Variants in SLCO1C1 observed in about 807,000 individuals in gnomAD.
SLCO1C1 encodes the protein OAT-RP-5.
Under a neutral mutation model 76.4 loss-of-function variants are expected in SLCO1C1, and 70 were observed. The observed-to-expected ratio is 0.92, with a 90% CI of 0.76 to 1.12. SLCO1C1 has a LOEUF of 1.12. SLCO1C1 is among the 50% of genes most tolerant of loss of function. The pLI is 0.00. For missense variants in SLCO1C1, 912 were observed against 823.8 expected, an observed-to-expected ratio of 1.11 and a Z score of -1.31; for synonymous variants, 306 against 286.1, an observed-to-expected ratio of 1.07 and a Z score of -0.70.
chr12:20,710,605 TA>T (rs1223895396), intron 4 of SLCO1C1, among the ~76,000 whole-genome samples: 1 of 152,092 alleles, frequency 6.6e-6, no homozygotes, highest in East Asian at 1.9e-4. Flanking sequence ...GTTGCTATCA[TA>T]ACCTTATACA....
chr12:20,740,041 A>T, intron 11 of SLCO1C1, 143 bp from the exon 12 acceptor site: 4 of 812,924 alleles, frequency 4.9e-6, no homozygotes, highest in Non-Finnish European at 7.5e-6. Context: ...GCTTTGCTCA[A>T]TATACTGTAA....
intron 1 of SLCO1C1, among the ~76,000 whole-genome samples, chr12:20,696,074 T>TA (rs1946251088): frequency 6.6e-6 from 1 of 152,184 alleles, no homozygotes; most frequent in African/African-American, 2.4e-5. Flanking sequence ...CCATCTAATT[T>TA]AAAAAATGGA....
intron 5 of SLCO1C1, among the ~76,000 whole-genome samples, chr12:20,713,127 T>C (rs1423566862): frequency 2.0e-5 from 3 of 149,526 alleles, no homozygotes; most frequent in Non-Finnish European, 4.4e-5. Context: ...TCGCCCAGGC[T>C]GGAGTGCAGT....
intron 9 of SLCO1C1, among the ~76,000 whole-genome samples, chr12:20,728,688 A>G (rs1283863697): frequency 1.3e-5 from 2 of 152,024 alleles, no homozygotes; most frequent in African/African-American, 4.8e-5. Context: ...TATTATTATT[A>G]TAACTCATAA....
intron 9 of SLCO1C1, among the ~76,000 whole-genome samples, chr12:20,725,458 A>G (rs1238528450): frequency 1.4e-5 from 2 of 146,738 alleles, no homozygotes; most frequent in Non-Finnish European, 3.0e-5. Context: ...TATGTATACT[A>G]TAATATATAA....
intron 11 of SLCO1C1, among the ~76,000 whole-genome samples, chr12:20,739,242 G>A (rs1466185214): frequency 1.3e-5 from 2 of 152,078 alleles, no homozygotes; most frequent in East Asian, 3.8e-4. Flanking sequence ...TAATAACAAA[G>A]CAGCAGTTTC....
intron 7 of SLCO1C1, among the ~76,000 whole-genome samples, chr12:20,719,126 A>ATTATTG (rs1947527879): frequency 6.7e-6 from 1 of 150,312 alleles, no homozygotes; most frequent in Admixed American, 6.6e-5. Flanking sequence ...TATTATTATT[A>ATTATTG]TTATTAGCTT....
At chr12:20,752,093 T>C (rs1480363973) in intron 14 of SLCO1C1, among the ~76,000 whole-genome samples, 2 of 152,184 alleles carry the variant, frequency 1.3e-5, no homozygotes, top group African/African-American at 4.8e-5. Flanking sequence ...ATTATGTAAT[T>C]AGTAGTAACT....
intron 12 of SLCO1C1, among the ~76,000 whole-genome samples, chr12:20,741,508 A>G (rs992600848): frequency 1.1e-4 from 17 of 152,206 alleles, no homozygotes; most frequent in Admixed American, 1.1e-3. Flanking sequence ...TAGTGATTTG[A>G]TAACCAACAT....
chr12:20,698,563 G>A (rs1399763009), intron 1 of SLCO1C1, among the ~76,000 whole-genome samples: 1 of 152,050 alleles, frequency 6.6e-6, no homozygotes, highest in African/African-American at 2.4e-5. Flanking sequence ...AACAAGCATT[G>A]CATAAAGTCA....
chr12:20,732,784 G>C (rs1948349593), intron 9 of SLCO1C1, 125 bp from the exon 10 acceptor site: 1 of 955,098 alleles, frequency 1.0e-6, no homozygotes, highest in Non-Finnish European at 1.5e-6. Flanking sequence ...CTTTGTATAT[G>C]TCAGTAGATG....
chr12:20,737,353 C>A, intron 11 of SLCO1C1, 81 bp downstream of exon 11: 1 of 1,394,776 alleles, frequency 7.2e-7, no homozygotes, highest in Non-Finnish European at 9.5e-7. Flanking sequence ...TCACAGCAGA[C>A]CACTACTAGT....
chr12:20,743,439 T>C, intron 13 of SLCO1C1, 70 bp downstream of exon 13: 2 of 1,259,436 alleles, frequency 1.6e-6, no homozygotes, highest in Middle Eastern at 4.1e-4. Flanking sequence ...TCTAAATATT[T>C]TTACAGAATT....
At chr12:20,724,449 A>ATGTGTGTG (rs1331357327) in intron 9 of SLCO1C1, among the ~76,000 whole-genome samples, 8 of 94,592 alleles carry the variant, frequency 8.5e-5, no homozygotes, top group East Asian at 8.4e-4. Flanking sequence ...ATATATATAT[A>ATGTGTGTG]TATGTGTGTG....
intron 11 of SLCO1C1, among the ~76,000 whole-genome samples, chr12:20,737,950 A>T (rs1948624963): frequency 6.6e-6 from 1 of 152,114 alleles, no homozygotes; most frequent in African/African-American, 2.4e-5. Flanking sequence ...GGATGATGGG[A>T]AGTCCAAGAT....
intron 6 of SLCO1C1, among the ~76,000 whole-genome samples, chr12:20,715,737 C>A (rs1947333528): frequency 6.6e-6 from 1 of 152,030 alleles, no homozygotes; most frequent in Non-Finnish European, 1.5e-5. Context: ...GGATAGGCAA[C>A]AAGAAATCTT....
At chr12:20,699,207 T>C (rs1946404453) in intron 1 of SLCO1C1, among the ~76,000 whole-genome samples, 2 of 152,014 alleles carry the variant, frequency 1.3e-5, no homozygotes, top group East Asian at 3.9e-4. Flanking sequence ...ATTCCTCTTC[T>C]TCCTTTCCTG....
chr12:20,740,834 T>C (rs1241885662), intron 12 of SLCO1C1, among the ~76,000 whole-genome samples: 2 of 140,642 alleles, frequency 1.4e-5, no homozygotes, highest in Non-Finnish European at 3.1e-5. Flanking sequence ...TATCTGTATA[T>C]TTTTGCCATG....
Position 20,711,414 on chromosome 12 carries a change from T to G in SLCO1C1, c.433T>G (p.Ser145Ala). 6.2e-7 allele frequency: 1 copy of G among 1,613,516 alleles called. No homozygotes were observed. The highest frequency in any genetic ancestry group is 8.5e-7 in the Non-Finnish European group (1 of 1,179,704). ...QYKYERYSPS[S>A]NSTLSISPCL... is the part of the protein sequence containing the mutation. ...CAAATATGAGAGATATTCTCCTTCC[T>G]CCAATTCCACTCTCAGCATCTCTCC... The change falls in exon 5 of 15, where the codon TCC (serine) becomes GCC (alanine). Residue 145 changes from serine (S) to alanine (A), a missense_variant. Transcript: ENST00000266509.
Sources: allele counts gnomAD v4.1 joint callset (sites outside exome capture counted in the v4.1 genomes callset), GRCh38; gene constraint gnomAD v4.1.1; transcripts MANE v1.5; gene names NCBI Gene and HGNC (gene_info 2026-07-23, HGNC 2026-07-21).